The following SPMIP4 variants were observed in gnomAD, a reference collection of about 807,000 sequenced individuals.
SPMIP4 encodes sperm microtubule inner protein 4.
the SPMIP4 span, among the ~76,000 whole-genome samples, chr7:25,152,451 ACCATGT>A: frequency 1.9e-3 from 291 of 152,352 alleles, 1 homozygote; most frequent in African/African-American, 6.7e-3. Flanking sequence ...TTGAACACTT[ACCATGT>A]GCCAGTCACT....
chr7:25,164,776 C>T, the SPMIP4 span, among the ~76,000 whole-genome samples: 1 of 152,278 alleles, frequency 6.6e-6, no homozygotes, highest in South Asian at 2.1e-4. Context: ...TCCCTCACCC[C>T]TTTCCCAACC....
chr7:25,155,100 A>C, the SPMIP4 span: 2 of 1,613,872 alleles, frequency 1.2e-6, no homozygotes, highest in East Asian at 4.5e-5. Context: ...GCCCGTGTAG[A>C]GGTCCTCAGG....
chr7:25,175,935 G>T, the SPMIP4 span, among the ~76,000 whole-genome samples: 1 of 152,236 alleles, frequency 6.6e-6, no homozygotes, highest in African/African-American at 2.4e-5. Context: ...GGGGTTAAGA[G>T]GAGGGGTTCT....
the SPMIP4 span, among the ~76,000 whole-genome samples, chr7:25,156,971 G>A: frequency 6.6e-6 from 1 of 152,056 alleles, no homozygotes; most frequent in Non-Finnish European, 1.5e-5. Context: ...ACAGGCATGA[G>A]CCACTGCGCC....
At chr7:25,148,493 T>G in the SPMIP4 span, among the ~76,000 whole-genome samples, 2 of 74,970 alleles carry the variant, frequency 2.7e-5, no homozygotes, top group Non-Finnish European at 7.4e-5. Flanking sequence ...TTTTTTTTTT[T>G]TGAGACAGAG....
the SPMIP4 span, among the ~76,000 whole-genome samples, chr7:25,160,178 G>GTCTTTT: frequency 1.2e-5 from 1 of 85,962 alleles, no homozygotes; most frequent in African/African-American, 2.8e-5. Flanking sequence ...CACAAATTTT[G>GTCTTTT]TCTTTTTGGC....
chr7:25,129,954 G>C, the SPMIP4 span, among the ~76,000 whole-genome samples: 44 of 152,070 alleles, frequency 2.9e-4, no homozygotes, highest in African/African-American at 1.0e-3. Context: ...AGGATAGTTG[G>C]TGGCTGGGTG....
chr7:25,157,486 G>T, the SPMIP4 span, among the ~76,000 whole-genome samples: 1 of 152,146 alleles, frequency 6.6e-6, no homozygotes, highest in Non-Finnish European at 1.5e-5. Flanking sequence ...CATCACCAGG[G>T]ATAGATCATG....
chr7:25,148,315 TG>T, the SPMIP4 span, among the ~76,000 whole-genome samples: 1 of 152,044 alleles, frequency 6.6e-6, no homozygotes, highest in African/African-American at 2.4e-5. Context: ...CGTGCACAGC[TG>T]CAGTCCCAGA....
chr7:25,133,359 T>A, the SPMIP4 span, among the ~76,000 whole-genome samples: 4 of 152,226 alleles, frequency 2.6e-5, no homozygotes. Flanking sequence ...TTGTACACTT[T>A]GTGTTGAAAT....
chr7:25,148,336 G>A, the SPMIP4 span, among the ~76,000 whole-genome samples: 1 of 151,926 alleles, frequency 6.6e-6, no homozygotes, highest in Non-Finnish European at 1.5e-5. Flanking sequence ...ATACTTAGGA[G>A]GCTGAAGCAG....
At chr7:25,173,778 C>A in the SPMIP4 span, among the ~76,000 whole-genome samples, 5 of 152,172 alleles carry the variant, frequency 3.3e-5, 1 homozygote, top group African/African-American at 1.2e-4. This position sits in a 1 kb window ranked among gnomAD's most constrained non-coding sequence, Gnocchi z 4.4. Flanking sequence ...CAACATCTGA[C>A]CCCCGTATAT....
chr7:25,174,382 C>A, the SPMIP4 span, among the ~76,000 whole-genome samples: 1 of 152,070 alleles, frequency 6.6e-6, no homozygotes, highest in Non-Finnish European at 1.5e-5. The surrounding 1 kb of genome is among the most constrained non-coding windows in gnomAD (Gnocchi z 4.5). Context: ...CCATCTCTAG[C>A]GATAGAAAAT....
chr7:25,154,732 G>A, the SPMIP4 span, among the ~76,000 whole-genome samples: 1 of 152,060 alleles, frequency 6.6e-6, no homozygotes, highest in African/African-American at 2.4e-5. Context: ...AAATAGAAGT[G>A]GAATAAAAAC....
the SPMIP4 span, among the ~76,000 whole-genome samples, chr7:25,176,874 G>A: frequency 6.6e-6 from 1 of 152,232 alleles, no homozygotes; most frequent in Non-Finnish European, 1.5e-5. This position sits in a 1 kb window ranked among gnomAD's most constrained non-coding sequence, Gnocchi z 4.4. Context: ...GAGAAGATCT[G>A]TGGAAGTCTG....
At chr7:25,141,994 C>A in the SPMIP4 span, among the ~76,000 whole-genome samples, 3 of 152,190 alleles carry the variant, frequency 2.0e-5, no homozygotes, top group Admixed American at 2.0e-4. Context: ...CCTCGGCCTC[C>A]CAGAGTGCTG....
At chr7:25,134,448 T>C in the SPMIP4 span, among the ~76,000 whole-genome samples, 1 of 151,704 alleles carries the variant, frequency 6.6e-6, no homozygotes, top group Admixed American at 6.6e-5. Context: ...TGTCATCAAA[T>C]AAGGGCAGAT....
chr7:25,179,281 A>G, the SPMIP4 span: 2 of 1,613,158 alleles, frequency 1.2e-6, no homozygotes, highest in Non-Finnish European at 1.7e-6. Flanking sequence ...TCCCTGCAAC[A>G]GTAGGGCCTG....
the SPMIP4 span, chr7:25,179,187 G>A: frequency 3.7e-6 from 6 of 1,606,940 alleles, no homozygotes; most frequent in Non-Finnish European, 5.1e-6. Context: ...GTCCTCTGAG[G>A]CAGTTGGGCG....
Sources: gnomAD v4.1 joint callset for allele counts (sites outside exome capture counted in the v4.1 genomes callset) on GRCh38, gnomAD v4.1.1 for gene constraint, Gnocchi (gnomAD v3.1) non-coding constraint, MANE v1.5 for transcripts, NCBI Gene and HGNC (gene_info 2026-07-23, HGNC 2026-07-21) for gene names.